Variants in ANO4 observed in about 807,000 individuals in gnomAD.
ANO4 encodes the protein anoctamin-4.
Under a neutral mutation model 141.9 loss-of-function variants are expected in ANO4, and 69 were observed. The ratio of observed to expected loss-of-function variants is 0.49; its 90% CI spans 0.40 to 0.59. The LOEUF is 0.59. Among genes scored for constraint, ANO4 ranks in the 20% least tolerant of loss-of-function variants. The pLI, the probability that ANO4 is intolerant of heterozygous loss-of-function variation, is 0.00. For missense variants in ANO4, 894 were observed against 1,162.2 expected (o/e 0.77, Z 3.36); for synonymous variants, 350 against 394.3 (o/e 0.89, Z 1.33).
chr12:100,749,391 T>C (rs933420274), intron 3 of ANO4, among the ~76,000 whole-genome samples: 6 of 152,230 alleles, frequency 3.9e-5, no homozygotes, highest in Non-Finnish European at 8.8e-5. Flanking sequence ...ATTGGAAATG[T>C]TCATTTTGAC....
chr12:100,777,619 GA>G (rs1400040231), intron 3 of ANO4, among the ~76,000 whole-genome samples: 1 of 151,880 alleles, frequency 6.6e-6, no homozygotes, highest in African/African-American at 2.4e-5. Context: ...ATGGGAAAAG[GA>G]AAAAGTTGTA....
rs1199490739 is a variant in ANO4, at chr12:101,102,683, AAAG to A, written c.2149+2966_2149+2968del. Reference sequence around the variant, plus strand: ...TCATTCTAATGGTGTGTTTAAATGAAAAGAAATTTCAGCTTCATTCTTCTTCAA... The same window carrying A: ...TCATTCTAATGGTGTGTTTAAATGAAAAATTTCAGCTTCATTCTTCTTCAA... On this transcript the variant is annotated intron_variant, in intron 22 of 27. Coordinates refer to ENST00000392977, the MANE Select transcript of ANO4 (RefSeq NM_001286615.2). Among the ~76,000 whole-genome samples, 5 of 152,232 alleles carry A rather than the reference AAAG, an allele frequency of 3.3e-5. No individual in the cohort carries two copies. The East Asian group carries it at 7.7e-4, about 23-fold the overall frequency.
At chr12:100,749,374 G>T (rs1231337499) in intron 3 of ANO4, among the ~76,000 whole-genome samples, 1 of 152,200 alleles carries the variant, frequency 6.6e-6, no homozygotes, top group African/African-American at 2.4e-5. Flanking sequence ...TTAGAACTAA[G>T]AGGATCATTG....
At chr12:101,042,931 G>A (rs2047467417) in intron 12 of ANO4, among the ~76,000 whole-genome samples, 2 of 152,234 alleles carry the variant, frequency 1.3e-5, no homozygotes, top group South Asian at 2.1e-4. Flanking sequence ...CCAGAATATA[G>A]GTCAAGGTAC....
Position 101,088,392 on chromosome 12 carries a change from T to C in ANO4, c.1701+1568T>C, listed in dbSNP as rs114245005. Among the ~76,000 whole-genome samples, 441 of 152,210 alleles carry C rather than the reference T, an allele frequency of 2.9e-3. 2 individuals carry two copies. The highest frequency in any genetic ancestry group is 0.01 in the African/African-American group (425 of 41,546). On this transcript the variant is annotated intron_variant, in intron 17 of 27. Coordinates refer to ENST00000392977, the MANE Select transcript of ANO4 (RefSeq NM_001286615.2). ...TGCTATCTGACAATTTCCCATCTGC[T>C]TGCCTGTGTTTTTTCTATAGCATTT...
In ANO4 at chr12:101,040,175, G is replaced by C. The variant is rs1593097696; in HGVS notation, c.1019+99G>C. 11 of 1,443,184 alleles carry C rather than the reference G, an allele frequency of 7.6e-6. No individual in the cohort carries two copies. In the East Asian group the frequency reaches 2.1e-4, roughly 27 times the overall value. 89.4% of individuals were successfully genotyped at this position (1,443,184 alleles called of 1,614,324 possible). On this transcript the variant is annotated intron_variant, in intron 11 of 27. Coordinates refer to ENST00000392977, the MANE Select transcript of ANO4 (RefSeq NM_001286615.2). Reference sequence around the variant, plus strand: ...CCCAATGAAGCAAAAAGAGCCTGAAGTGTACAGCTCTCACTCATATCTGGC... The same window carrying C: ...CCCAATGAAGCAAAAAGAGCCTGAACTGTACAGCTCTCACTCATATCTGGC...
At position 100,836,348 on chromosome 12, in the gene ANO4, T is replaced by C. The variant is rs865987446; in HGVS notation, c.-141+41321T>C. Among the ~76,000 whole-genome samples, 99 of 152,232 alleles carry C rather than the reference T, an allele frequency of 6.5e-4. 1 individual carries two copies. The highest frequency in any genetic ancestry group is 2.2e-3 in the African/African-American group (90 of 41,550). ...AAAATATGAAGTCTTTTTATATATA[T>C]ATTTTTATTATACTGTAAGTTCTAG... On this transcript the variant is annotated intron_variant, in intron 1 of 27. Transcript: ENST00000392977.
intron 22 of ANO4, among the ~76,000 whole-genome samples, chr12:101,108,673 A>G (rs1454115152): frequency 1.3e-5 from 2 of 152,198 alleles, no homozygotes; most frequent in Non-Finnish European, 2.9e-5. Context: ...GTATATATAC[A>G]TAGTCATTCA....
intron 24 of ANO4, among the ~76,000 whole-genome samples, chr12:101,116,021 A>C (rs547511431): frequency 6.6e-6 from 1 of 152,210 alleles, no homozygotes; most frequent in Non-Finnish European, 1.5e-5. Context: ...GAACTAAGTA[A>C]GTATGGTGGC....
chr12:101,089,375 G>A (rs2049651626), intron 17 of ANO4, among the ~76,000 whole-genome samples: 1 of 152,052 alleles, frequency 6.6e-6, no homozygotes, highest in Admixed American at 6.6e-5. Context: ...AAAAAGGGCA[G>A]TTGCTGATCA....
At position 100,740,033 on chromosome 12, in the gene ANO4, G is replaced by C. The variant is rs1327249868; in HGVS notation, c.286G>C (p.Ala96Pro). 4.3e-6 allele frequency: 3 copies of C among 702,524 alleles called. No individual in the cohort carries two copies. In the South Asian group the frequency reaches 4.4e-5, roughly 10 times the overall value. 43.5% of individuals were successfully genotyped at this position (702,524 alleles called of 1,614,324 possible). ...CCAGGCCACACCTTTGTCCTGTCCAGCCTCACTGTCTATCACTCCAGTGCC... is the reference window on the plus strand; with the variant it reads ...CCAGGCCACACCTTTGTCCTGTCCACCCTCACTGTCTATCACTCCAGTGCC... The change falls in exon 3 of 30, where the codon GCC becomes CCC. Residue 96 changes from alanine (A) to proline (P), a missense_variant. Ala to Pro is a conservative substitution (Grantham distance 27). Transcript: ENST00000644049.
In ANO4 at chr12:100,925,587, A is replaced by T. The variant is rs1300101934; in HGVS notation, c.160+3257A>T. Among the ~76,000 whole-genome samples, 3 of 151,878 alleles carry T rather than the reference A, an allele frequency of 2.0e-5. No individual in the cohort carries two copies. In the East Asian group the frequency reaches 5.8e-4, roughly 29 times the overall value. ...TGCAGCAAACCACCATGGCACGTGT[A>T]TACCTATGTAACAAACCTGCACGTT... is the stretch of plus-strand genomic sequence containing the variant. On this transcript the variant is annotated intron_variant, in intron 3 of 27. Transcript: ENST00000392977.
chr12:100,995,120 G>C (rs908551777), intron 8 of ANO4, among the ~76,000 whole-genome samples: 41 of 151,794 alleles, frequency 2.7e-4, no homozygotes, highest in African/African-American at 9.7e-4. Context: ...GAGAAAAAGA[G>C]GGTGGGGTGA....
chr12:100,831,242 CGTGTCTTGCAT>C (rs1420324556), intron 1 of ANO4, among the ~76,000 whole-genome samples: 1 of 152,096 alleles, frequency 6.6e-6, no homozygotes, highest in Non-Finnish European at 1.5e-5. Flanking sequence ...TCTGGTGGCA[CGTGTCTTGCAT>C]GGGCCTCATG....
intron 14 of ANO4, among the ~76,000 whole-genome samples, chr12:101,049,822 C>T (rs1468127492): frequency 1.3e-5 from 2 of 152,138 alleles, no homozygotes; most frequent in East Asian, 1.9e-4. Flanking sequence ...CCCATGACTC[C>T]AGTCCCTCTC....
At chr12:100,742,243 C>T (rs1033639825) in intron 3 of ANO4, among the ~76,000 whole-genome samples, 2 of 151,974 alleles carry the variant, frequency 1.3e-5, no homozygotes, top group South Asian at 2.1e-4. Context: ...TTGTAAGTCT[C>T]GACAATGACT....
At chr12:101,012,175 T>C (rs183827118) in intron 8 of ANO4, among the ~76,000 whole-genome samples, 22 of 152,242 alleles carry the variant, frequency 1.4e-4, no homozygotes, top group African/African-American at 5.1e-4. Context: ...ATGATTTACT[T>C]ATTTACTTGG....
intron 1 of ANO4, among the ~76,000 whole-genome samples, chr12:100,879,568 G>A (rs2039469736): frequency 6.6e-6 from 1 of 152,092 alleles, no homozygotes; most frequent in Non-Finnish European, 1.5e-5. Flanking sequence ...TAAAAGTGAA[G>A]TATTCTATTT....
At chr12:101,010,770 C>T (rs774123486) in intron 8 of ANO4, among the ~76,000 whole-genome samples, 1 of 152,014 alleles carries the variant, frequency 6.6e-6, no homozygotes, top group Non-Finnish European at 1.5e-5. Context: ...ATTAACCTTC[C>T]CTTATTATAT....
Sources: allele counts gnomAD v4.1 joint callset (sites outside exome capture counted in the v4.1 genomes callset), GRCh38; gene constraint gnomAD v4.1.1; transcripts MANE v1.5; gene names NCBI Gene and HGNC (gene_info 2026-07-23, HGNC 2026-07-21).